The following CHN1 variants were observed in gnomAD, a reference collection of about 807,000 sequenced individuals.
CHN1 encodes N-chimaerin.
A neutral mutation model predicts 59.5 loss-of-function variants in CHN1; 37 were observed. The observed-to-expected ratio is 0.62, with a 90% CI of 0.48 to 0.82. CHN1 has a LOEUF of 0.82. Ranked by LOEUF, CHN1 falls within the 40% of genes least tolerant of loss-of-function variation. The pLI is 0.00. For synonymous variants in CHN1, 206 were observed against 200.4 expected, an observed-to-expected ratio of 1.03 and a Z score of -0.24; for missense variants, 469 against 571.0, an observed-to-expected ratio of 0.82 and a Z score of 1.82.
intron 5 of CHN1, among the ~76,000 whole-genome samples, chr2:174,909,730 T>C (rs1189955652): frequency 6.6e-6 from 1 of 152,232 alleles, no homozygotes; most frequent in Non-Finnish European, 1.5e-5. Context: ...GAACTTAGTA[T>C]GTGAGATATT....
At chr2:174,821,076 C>T (rs951434234) in intron 8 of CHN1, among the ~76,000 whole-genome samples, 4 of 152,192 alleles carry the variant, frequency 2.6e-5, no homozygotes, top group African/African-American at 9.7e-5. Flanking sequence ...CATTAGTTTA[C>T]AATTGCTGCT....
intron 1 of CHN1, among the ~76,000 whole-genome samples, chr2:174,962,894 A>G (rs1363758999): frequency 2.0e-5 from 3 of 152,204 alleles, no homozygotes; most frequent in Non-Finnish European, 4.4e-5. Context: ...TGGGCAACAG[A>G]GCGAGACCCT....
chr2:174,898,476 C>CA (rs1359832791), intron 5 of CHN1, among the ~76,000 whole-genome samples: 1 of 151,046 alleles, frequency 6.6e-6, no homozygotes, highest in Admixed American at 6.6e-5. Flanking sequence ...TGGTGGCGCA[C>CA]ACCTGTAGTC....
intron 5 of CHN1, among the ~76,000 whole-genome samples, chr2:174,900,563 T>C (rs1197698699): frequency 6.6e-6 from 1 of 152,194 alleles, no homozygotes; most frequent in African/African-American, 2.4e-5. Context: ...CCCAGTACTT[T>C]GGGAGGCCAA....
chr2:174,842,027 G>GTT (rs377143155), intron 7 of CHN1, among the ~76,000 whole-genome samples: 6 of 152,230 alleles, frequency 3.9e-5, no homozygotes, highest in African/African-American at 1.4e-4. Context: ...AGAAAACATT[G>GTT]TAACAATACA....
intron 1 of CHN1, among the ~76,000 whole-genome samples, chr2:174,992,330 T>C (rs1261668264): frequency 6.6e-6 from 1 of 152,084 alleles, no homozygotes; most frequent in Non-Finnish European, 1.5e-5. Flanking sequence ...GACTTGGGAA[T>C]CATTCACACG....
intron 1 of CHN1, among the ~76,000 whole-genome samples, chr2:174,966,733 A>C (rs1167440965): frequency 6.6e-6 from 1 of 152,232 alleles, no homozygotes; most frequent in Non-Finnish European, 1.5e-5. Flanking sequence ...TAGACAAGTC[A>C]AATCTGAGGT....
At chr2:175,000,680 A>C (rs1003470856) in intron 1 of CHN1, among the ~76,000 whole-genome samples, 26 of 151,994 alleles carry the variant, frequency 1.7e-4, no homozygotes, top group Admixed American at 1.5e-3. Flanking sequence ...CTGACCTCAA[A>C]TGATCCACCC....
intron 5 of CHN1, among the ~76,000 whole-genome samples, chr2:174,902,562 G>C (rs1574145614): frequency 6.6e-6 from 1 of 151,984 alleles, no homozygotes; most frequent in African/African-American, 2.4e-5. Flanking sequence ...TCTAAACTAA[G>C]AGGAGAAAAA....
chr2:174,811,233 G>A (rs1011437984), intron 10 of CHN1: 2 of 271,958 alleles, frequency 7.4e-6, no homozygotes, highest in Non-Finnish European at 6.9e-6. Flanking sequence ...TTTGGTGAAT[G>A]TAATTGCTCT....
intron 3 of CHN1, among the ~76,000 whole-genome samples, chr2:174,935,235 C>G (rs996362326): frequency 6.6e-6 from 1 of 152,142 alleles, no homozygotes; most frequent in African/African-American, 2.4e-5. Flanking sequence ...GTTGAGCTAC[C>G]GCTCCATTCC....
chr2:174,882,391 C>A (rs1377338436), intron 5 of CHN1, among the ~76,000 whole-genome samples: 1 of 152,060 alleles, frequency 6.6e-6, no homozygotes, highest in African/African-American at 2.4e-5. Flanking sequence ...TAAAAATAAA[C>A]AAAATCCTTA....
rs183774712 is a variant in CHN1, at chr2:174,866,486, A to G, written c.549+11354T>C. 5.2e-4 allele frequency among the ~76,000 whole-genome samples: 79 copies of G among 152,338 alleles called. 1 individual carries two copies. The highest frequency in any genetic ancestry group is 3.5e-3 in the Admixed American group (54 of 15,300). ...CCTTGCAGTAACACTGCTTCCAAAA[A>G]AAAGCATTTTCATATTCATTAGTTA... On this transcript the variant is annotated intron_variant, in intron 6 of 12. Coordinates refer to ENST00000409900, the MANE Select transcript of CHN1 (RefSeq NM_001822.7).
intron 12 of CHN1, among the ~76,000 whole-genome samples, chr2:174,801,110 C>G (rs567560465): frequency 2.6e-5 from 4 of 152,280 alleles, no homozygotes; most frequent in African/African-American, 9.6e-5. Flanking sequence ...TGATAGAGAT[C>G]GAGGGTGACC....
intron 1 of CHN1, among the ~76,000 whole-genome samples, chr2:174,957,558 T>A (rs1476997211): frequency 6.6e-6 from 1 of 152,176 alleles, no homozygotes; most frequent in Non-Finnish European, 1.5e-5. Flanking sequence ...TCAAGTCATG[T>A]TATTATTTCC....
chr2:174,946,303 T>G lies in CHN1; in HGVS notation c.59-1360A>C, dbSNP rs140895476. Among the ~76,000 whole-genome samples the G allele has an allele frequency of 3.3e-5, 5 of 152,310 alleles. No homozygotes were observed. In the East Asian group the frequency reaches 9.6e-4, roughly 29 times the overall value. On this transcript the variant is annotated intron_variant, in intron 2 of 12. Coordinates refer to ENST00000409900, the MANE Select transcript of CHN1 (RefSeq NM_001822.7). ...GATTGATATTAATACATAAAATTCT[T>G]TATAATAATACTTGATTACTAGGAT...
intron 6 of CHN1, among the ~76,000 whole-genome samples, chr2:174,866,422 G>A (rs1687216921): frequency 1.3e-5 from 2 of 152,072 alleles, no homozygotes; most frequent in South Asian, 4.1e-4. Flanking sequence ...ATCAATGTCT[G>A]TATGATTTTT....
intron 5 of CHN1, among the ~76,000 whole-genome samples, 188 bp downstream of exon 5, chr2:174,914,870 A>G (rs544462114): frequency 6.7e-6 from 1 of 149,428 alleles, no homozygotes; most frequent in African/African-American, 2.5e-5. Flanking sequence ...AAGTTTTTCT[A>G]TTCTTAATTA....
At chr2:174,822,801 G>A (rs62183314) in intron 8 of CHN1, among the ~76,000 whole-genome samples, 2 of 152,162 alleles carry the variant, frequency 1.3e-5, no homozygotes, top group South Asian at 2.1e-4. Flanking sequence ...TCCCAACTCT[G>A]GATAACCACC....
Sources: allele counts gnomAD v4.1 joint callset (sites outside exome capture counted in the v4.1 genomes callset), GRCh38; gene constraint gnomAD v4.1.1; transcripts MANE v1.5; gene names NCBI Gene and HGNC (gene_info 2026-07-23, HGNC 2026-07-21).